The following CRYBG3 variants were observed in gnomAD, a reference collection of about 807,000 sequenced individuals.
The protein encoded by CRYBG3 is crystallin beta-gamma domain containing 3.
A neutral mutation model predicts 244.2 loss-of-function variants in CRYBG3; 127 were observed. That is an observed-to-expected ratio of 0.52 (90% CI 0.45 to 0.60). The LOEUF (loss-of-function observed/expected upper bound fraction) is 0.60, where lower values mean the gene tolerates loss of function less well. CRYBG3 is among the 20% of genes least tolerant of loss of function. CRYBG3 has a pLI of 0.00. For synonymous variants in CRYBG3, 1,132 were observed against 1,195.8 expected, an observed-to-expected ratio of 0.95 and a Z score of 1.10; for missense variants, 3,325 against 3,442.5, an observed-to-expected ratio of 0.97 and a Z score of 0.85.
chr3:97,908,946 GTGA>G (rs1384396389), intron 15 of CRYBG3, among the ~76,000 whole-genome samples: 3 of 152,062 alleles, frequency 2.0e-5, no homozygotes, highest in Middle Eastern at 3.4e-3. Flanking sequence ...AGGCCTGGTG[GTGA>G]CAAAATCTCT....
rs1195692757 is a variant in CRYBG3, at chr3:97,877,900, G to A, written c.6706G>A (p.Ala2236Thr). 2 of 1,614,130 alleles carry A rather than the reference G, an allele frequency of 1.2e-6. No homozygotes were observed. The highest frequency in any genetic ancestry group is 1.7e-6 in the Non-Finnish European group (2 of 1,180,014). Residue 2236 changes from alanine to threonine, a missense_variant, in exon 4 of 22, where the codon GCT becomes ACT. Transcript: ENST00000389622. Reference protein sequence around the residue: ...TSKLHSSLKSAYHQYLQTSQS... With the variant: ...TSKLHSSLKSTYHQYLQTSQS... ...TAAACTACATTCTTCTTTAAAGAGT[G>A]CTTATCATCAGTATCTGCAGACTTC...
At chr3:97,899,406 A>G (rs2039678059) in intron 14 of CRYBG3, 143 bp downstream of exon 14, 7 of 763,556 alleles carry the variant, frequency 9.2e-6, no homozygotes, top group South Asian at 7.8e-5. Context: ...TTGAATTTCT[A>G]TAGACTCCAT....
rs551595398 is a variant in CRYBG3 at position 97,825,750 on chromosome 3, C to T, written c.149+3395C>T. Among the ~76,000 whole-genome samples, 21 of 152,188 alleles carry T rather than the reference C, an allele frequency of 1.4e-4. 1 individual carries two copies. The South Asian group carries it at 2.1e-3, about 15-fold the overall frequency. ...CCAGTGGAGAGTGATTACCCTAAATCGTGAGAGGAGGTGAATGGGTGGGAC... is the reference window on the plus strand; with the variant it reads ...CCAGTGGAGAGTGATTACCCTAAATTGTGAGAGGAGGTGAATGGGTGGGAC... On this transcript the variant is annotated intron_variant, in intron 1 of 21. Coordinates refer to ENST00000389622, the MANE Select transcript of CRYBG3 (RefSeq NM_153605.4).
At chr3:97,885,521 T>C (rs2039497645) in intron 7 of CRYBG3, among the ~76,000 whole-genome samples, 1 of 152,164 alleles carries the variant, frequency 6.6e-6, no homozygotes, top group Admixed American at 6.6e-5. Context: ...AATGTACCTG[T>C]AATTTCAGAG....
chr3:97,888,480 T>C, intron 9 of CRYBG3, 25 bp downstream of exon 9: 2 of 1,456,322 alleles, frequency 1.4e-6, no homozygotes, highest in Non-Finnish European at 1.9e-6. Context: ...AAAGAAGCAT[T>C]CCTTTTCCCA....
At chr3:97,927,012 A>G (rs2107087785) in intron 17 of CRYBG3, among the ~76,000 whole-genome samples, 1 of 152,214 alleles carries the variant, frequency 6.6e-6, no homozygotes, top group South Asian at 2.1e-4. Context: ...TACAGATTCA[A>G]TACTGTTCCT....
In CRYBG3 at chr3:97,876,178, C is replaced by G. The variant is rs78192445; in HGVS notation, c.4984C>G (p.Pro1662Ala). Residue 1662 changes from proline to alanine, a missense_variant, in exon 4 of 22, where the codon CCT becomes GCT. Physicochemically the swap from Pro to Ala is conservative, Grantham distance 27 (BLOSUM62 -1). Coordinates refer to ENST00000389622, the MANE Select transcript of CRYBG3 (RefSeq NM_153605.4). ...GGATATTGTAAAGACTGAGATGACACCTGTTACAGTAGACATGGAAAATAT... is the reference window on the plus strand; with the variant it reads ...GGATATTGTAAAGACTGAGATGACAGCTGTTACAGTAGACATGGAAAATAT... ...EGDIVKTEMT[P>A]VTVDMENIYQ... is the part of the protein sequence containing the mutation. 8.9e-6 allele frequency: 11 copies of G among 1,231,810 alleles called. No homozygotes were observed. The highest frequency in any genetic ancestry group is 1.6e-5 in the African/African-American group (1 of 64,406). The allele number at this position is 1,231,810 out of a possible 1,614,324, so 76.3% of individuals were successfully genotyped here.
At chr3:97,836,547 A>G (rs1014085928) in intron 1 of CRYBG3, among the ~76,000 whole-genome samples, 12 of 152,138 alleles carry the variant, frequency 7.9e-5, no homozygotes, top group African/African-American at 2.9e-4. Context: ...ACGAAAGTCA[A>G]TTTAATCCAT....
At chr3:97,857,355 G>A (rs536958691) in intron 2 of CRYBG3, among the ~76,000 whole-genome samples, 3 of 151,758 alleles carry the variant, frequency 2.0e-5, no homozygotes, top group African/African-American at 4.8e-5. Context: ...GTAGCTATTA[G>A]ATGAAATGTT....
chr3:97,828,086 A>C (rs372045773), intron 1 of CRYBG3, among the ~76,000 whole-genome samples: 1 of 152,214 alleles, frequency 6.6e-6, no homozygotes, highest in East Asian at 1.9e-4. Flanking sequence ...AGAAAGGGTC[A>C]GTCTCCTTCA....
chr3:97,893,930 A>G (rs1431816599), intron 11 of CRYBG3, among the ~76,000 whole-genome samples: 1 of 152,218 alleles, frequency 6.6e-6, no homozygotes, highest in Non-Finnish European at 1.5e-5. Context: ...ACTAGTCACA[A>G]TAAAAATGTA....
chr3:97,865,594 A>G (rs2039219368), intron 3 of CRYBG3, among the ~76,000 whole-genome samples: 1 of 152,162 alleles, frequency 6.6e-6, no homozygotes, highest in Non-Finnish European at 1.5e-5. Context: ...GTTAAAACAT[A>G]TTGATCCAGC....
intron 2 of CRYBG3, among the ~76,000 whole-genome samples, chr3:97,848,486 A>G (rs1191214674): frequency 6.6e-6 from 1 of 151,962 alleles, no homozygotes; most frequent in African/African-American, 2.4e-5. Context: ...TATTTTTAGT[A>G]GAGACAAGGT....
intron 1 of CRYBG3, among the ~76,000 whole-genome samples, chr3:97,835,286 C>T (rs2038717300): frequency 6.6e-6 from 1 of 151,908 alleles, no homozygotes; most frequent in African/African-American, 2.4e-5. Context: ...ATATAATATG[C>T]TTTGAAGTAA....
At chr3:97,839,766 T>C (rs2038786499) in intron 1 of CRYBG3, among the ~76,000 whole-genome samples, 2 of 151,918 alleles carry the variant, frequency 1.3e-5, no homozygotes, top group Admixed American at 6.6e-5. Flanking sequence ...TTTTTTTTTT[T>C]TGTCAAGACA....
chr3:97,917,286 C>A (rs933503011), intron 17 of CRYBG3, among the ~76,000 whole-genome samples: 43 of 151,950 alleles, frequency 2.8e-4, no homozygotes, highest in Non-Finnish European at 7.4e-5. Context: ...AGTGGCATGT[C>A]CCTAGTTTTG....
Position 97,880,002 on chromosome 3 carries a change from C to G in CRYBG3, c.6906C>G (p.Leu2302=), listed in dbSNP as rs750117090. ...TGTTGCAGATGGTTATCTATGATCTCCATGAAAGTACATATAAACAAGAAG... is the reference window on the plus strand; with the variant it reads ...TGTTGCAGATGGTTATCTATGATCTGCATGAAAGTACATATAAACAAGAAG... ...PRPGKMVIYD[L]HESTYKQEVY... Residue 2302 remains leucine (L), a synonymous_variant, in exon 6 of 22, where the codon CTC becomes CTG. Coordinates refer to ENST00000389622, the MANE Select transcript of CRYBG3 (RefSeq NM_153605.4). 1.9e-6 allele frequency: 3 copies of G among 1,559,966 alleles called. No homozygotes were observed. Among genetic ancestry groups the G allele is most frequent in the Non-Finnish European group, 2.6e-6 (3 of 1,135,468 alleles).
chr3:97,896,222 A>G (rs959822660), intron 12 of CRYBG3, 137 bp downstream of exon 12: 2 of 702,264 alleles, frequency 2.8e-6, no homozygotes, highest in African/African-American at 1.8e-5. Flanking sequence ...TGCTTATGCA[A>G]CTTGCCTGTT....
intron 1 of CRYBG3, chr3:97,840,837 G>C (rs901578586): frequency 6.6e-6 from 1 of 151,910 alleles, no homozygotes; most frequent in Admixed American, 6.6e-5. Flanking sequence ...ACTTGTCAAG[G>C]TCAGCATTAT....
Sources: allele counts gnomAD v4.1 joint callset (sites outside exome capture counted in the v4.1 genomes callset), GRCh38; gene constraint gnomAD v4.1.1; transcripts MANE v1.5; gene names NCBI Gene and HGNC (gene_info 2026-07-23, HGNC 2026-07-21).